ARPC3: variants seen among roughly 807,000 people sequenced by gnomAD.
ARPC3 encodes actin related protein 2/3 complex subunit 3.
In ARPC3, 12 loss-of-function variants were observed where a neutral mutation model predicts 27.6. The observed-to-expected ratio is 0.43, with a 90% CI of 0.28 to 0.70. The LOEUF (loss-of-function observed/expected upper bound fraction) is 0.70, where lower values mean the gene tolerates loss of function less well. Among genes scored for constraint, ARPC3 ranks in the 30% least tolerant of loss-of-function variants. The pLI, the probability that ARPC3 is intolerant of heterozygous loss-of-function variation, is 0.17. For missense variants in ARPC3, 153 were observed against 207.7 expected (o/e 0.74, Z 1.62); for synonymous variants, 53 against 67.2 (o/e 0.79, Z 1.03).
intron 2 of ARPC3, among the ~76,000 whole-genome samples, chr12:110,440,935 C>G (rs1316230658): frequency 2.0e-5 from 3 of 151,154 alleles, no homozygotes; most frequent in Non-Finnish European, 2.9e-5. Context: ...CTCCGCCTCC[C>G]GGGTTCACGG....
At position 110,435,015 on chromosome 12, in the gene ARPC3, C is replaced by A. The variant is rs1159632550; in HGVS notation, c.*140G>T. 1 of 759,700 alleles carries A rather than the reference C, an allele frequency of 1.3e-6. No homozygotes were observed. The highest frequency in any genetic ancestry group is 2.7e-5 in the East Asian group (1 of 37,522). 47.1% of individuals were successfully genotyped at this position (759,700 alleles called of 1,614,324 possible). ...CACTTTCTTTTCTCCCACCCAAATT[C>A]TTGATCAAGAGTTTTTCAAGTAAAG... On this transcript the variant is annotated 3_prime_UTR_variant, in exon 7 of 7. Transcript: ENST00000228825.
At chr12:110,435,260 T>TCTATTGTAATTTG in intron 6 of ARPC3, 43 bp from the exon 7 acceptor site, 2 of 1,412,734 alleles carry the variant, frequency 1.4e-6, no homozygotes, top group African/African-American at 1.4e-5. Context: ...GGGGTCAAAT[T>TCTATTGTAATTTG]ACAATAGAAT....
At chr12:110,444,570 C>T (rs1242221608) in intron 2 of ARPC3, among the ~76,000 whole-genome samples, 1 of 152,172 alleles carries the variant, frequency 6.6e-6, no homozygotes, top group Non-Finnish European at 1.5e-5. Context: ...CAAGTGTGAG[C>T]CACCGCACCC....
intron 1 of ARPC3, 79 bp from the exon 2 acceptor site, chr12:110,445,630 G>C: frequency 9.3e-7 from 1 of 1,079,028 alleles, no homozygotes; most frequent in Non-Finnish European, 1.4e-6. Flanking sequence ...TCCCTTAAAG[G>C]AAAAAAAGAG....
chr12:110,436,607 C>T lies in ARPC3; in HGVS notation c.329G>A (p.Gly110Asp), dbSNP rs759063957. 1.2e-6 allele frequency: 2 copies of T among 1,612,858 alleles called. No homozygotes were observed. The highest frequency in any genetic ancestry group is 1.7e-6 in the Non-Finnish European group (2 of 1,179,508). The change falls in exon 5 of 7, where the codon GGT (glycine) becomes GAT (aspartate). Residue 110 changes from glycine (G) to aspartate (D), a missense_variant. Coordinates refer to ENST00000228825, the MANE Select transcript of ARPC3 (RefSeq NM_001278556.2). ...GGCATAAATTGCGTTAAGTGGAAAA[C>T]CAGGCTCTCCAGGAATGGGAAAATT... ...ITNFPIPGEP[G>D]FPLNAIYAKP...
chr12:110,441,762 G>T (rs2062438709), intron 2 of ARPC3, among the ~76,000 whole-genome samples: 1 of 151,998 alleles, frequency 6.6e-6, no homozygotes, highest in African/African-American at 2.4e-5. Flanking sequence ...TGGGCACAGT[G>T]ACTCACGCCT....
intron 3 of ARPC3, among the ~76,000 whole-genome samples, chr12:110,437,686 G>C (rs2062413982): frequency 6.6e-6 from 1 of 151,910 alleles, no homozygotes. Context: ...GCTCTCTCTT[G>C]TTTTTCTCGG....
chr12:110,436,488 G>C, intron 5 of ARPC3, 69 bp downstream of exon 5: 1 of 1,596,872 alleles, frequency 6.3e-7, no homozygotes. Context: ...AAGAAAAAGA[G>C]GGGTGGTAGG....
intron 4 of ARPC3, 65 bp from the exon 5 acceptor site, chr12:110,436,748 A>G (rs1327195339): frequency 2.6e-6 from 3 of 1,132,666 alleles, no homozygotes. Flanking sequence ...ACACACACAC[A>G]CACACATATT....
intron 2 of ARPC3, among the ~76,000 whole-genome samples, chr12:110,441,557 G>T (rs1456527218): frequency 2.0e-5 from 3 of 151,942 alleles, no homozygotes; most frequent in Admixed American, 2.0e-4. Context: ...TTAGAGAGAG[G>T]TCTTGCTCTG....
intron 1 of ARPC3, among the ~76,000 whole-genome samples, chr12:110,449,250 G>T (rs1325363331): frequency 6.6e-6 from 1 of 151,982 alleles, no homozygotes; most frequent in Non-Finnish European, 1.5e-5. Flanking sequence ...GCAGGTGCTC[G>T]TTAACGTTTG....
In ARPC3 at chr12:110,450,232, C is replaced by CA. The variant is rs1389561138; in HGVS notation, c.6+22dup. The CA allele has an allele frequency of 3.1e-6, 5 of 1,613,936 alleles. No homozygotes were observed. The African/African-American group carries it at 6.7e-5, about 22-fold the overall frequency. On this transcript the variant is annotated intron_variant, in intron 1 of 6. Transcript: ENST00000228825. ...CTCTTCGCAATCCCCGCTGTCTCCC[C>CA]ACACCGTGGATCGAACCCTCACCGG... is the stretch of plus-strand genomic sequence containing the variant.
At chr12:110,437,212 G>T in intron 3 of ARPC3, 60 bp from the exon 4 acceptor site, 1 of 1,120,584 alleles carries the variant, frequency 8.9e-7, no homozygotes, top group Non-Finnish European at 1.4e-6. Flanking sequence ...GATGTGCAAT[G>T]TATGCATTCC....
chr12:110,436,302 C>T (rs547135304), intron 5 of ARPC3, 98 bp from the exon 6 acceptor site: 6 of 1,125,798 alleles, frequency 5.3e-6, no homozygotes, highest in East Asian at 2.4e-5. Context: ...CATTTTTATA[C>T]ATTTGAACAG....
intron 3 of ARPC3, among the ~76,000 whole-genome samples, chr12:110,437,767 C>G (rs1420729651): frequency 4.6e-5 from 7 of 152,144 alleles, no homozygotes; most frequent in Non-Finnish European, 1.0e-4. Flanking sequence ...AGTAACAAAG[C>G]TGCCTGGAAA....
chr12:110,444,951 G>A (rs564836667), intron 2 of ARPC3: 31 of 172,624 alleles, frequency 1.8e-4, no homozygotes, highest in South Asian at 5.3e-4. Flanking sequence ...AAAATATTGC[G>A]GCTTTCTGAA....
intron 3 of ARPC3, among the ~76,000 whole-genome samples, chr12:110,439,875 C>T (rs2062426652): frequency 1.3e-5 from 2 of 152,108 alleles, no homozygotes; most frequent in Non-Finnish European, 2.9e-5. Flanking sequence ...TGCTGCTTAA[C>T]TAATGTTGAA....
chr12:110,443,955 C>T (rs768005839), intron 2 of ARPC3, among the ~76,000 whole-genome samples: 11 of 149,556 alleles, frequency 7.4e-5, no homozygotes, highest in Non-Finnish European at 1.5e-4. Context: ...GCACAGGCCT[C>T]CATTCCAATT....
Position 110,434,831 on chromosome 12 carries a change from G to T in ARPC3, c.*324C>A. The T allele has an allele frequency of 4.1e-6, 2 of 482,626 alleles. No homozygotes were observed. The highest frequency in any genetic ancestry group is 7.7e-6 in the Non-Finnish European group (2 of 259,282). The allele number at this position is 482,626 out of a possible 1,614,324, so 29.9% of individuals were successfully genotyped here. On this transcript the variant is annotated 3_prime_UTR_variant, in exon 7 of 7. Coordinates refer to ENST00000228825, the MANE Select transcript of ARPC3 (RefSeq NM_001278556.2). The stretch of plus-strand genomic sequence containing the variant: ...ATTGTACACTTTAAAAGGGCATTAT[G>T]GAATGTGAATTTTATCTCAAAACAA...
Sources: allele counts gnomAD v4.1 joint callset (sites outside exome capture counted in the v4.1 genomes callset), GRCh38; gene constraint gnomAD v4.1.1; transcripts MANE v1.5; gene names NCBI Gene and HGNC (gene_info 2026-07-23, HGNC 2026-07-21).